ABCD3: variants seen among roughly 807,000 people sequenced by gnomAD.
ABCD3 encodes ATP binding cassette subfamily D member 3.
In ABCD3, 41 loss-of-function variants were observed where a neutral mutation model predicts 105.5. The ratio of observed to expected loss-of-function variants is 0.39; its 90% CI spans 0.30 to 0.50. The LOEUF (loss-of-function observed/expected upper bound fraction) is 0.50. Among genes scored for constraint, ABCD3 ranks in the 20% least tolerant of loss-of-function variants. The pLI is 0.84. For missense variants in ABCD3, 622 were observed against 806.3 expected (o/e 0.77, Z 2.77); for synonymous variants, 258 against 269.0 (o/e 0.96, Z 0.40).
intron 9 of ABCD3, chr1:94,482,102 T>C (rs1219312111): frequency 6.6e-6 from 1 of 152,158 alleles, no homozygotes; most frequent in Non-Finnish European, 1.5e-5. Flanking sequence ...TAGGCTTAGG[T>C]GTGGAGAGGA....
chr1:94,398,819 C>G, the ABCD3 span, among the ~76,000 whole-genome samples: 1 of 151,996 alleles, frequency 6.6e-6, no homozygotes, highest in Non-Finnish European at 1.5e-5. Context: ...GAGGCTGAGG[C>G]AGGAGAATCA....
intron 21 of ABCD3, chr1:94,514,809 A>T: frequency 3.6e-6 from 1 of 278,340 alleles, no homozygotes. Flanking sequence ...TACTGATTTA[A>T]TTTTTCCTGA....
chr1:94,395,617 A>G, the ABCD3 span, among the ~76,000 whole-genome samples: 1 of 152,202 alleles, frequency 6.6e-6, no homozygotes, highest in African/African-American at 2.4e-5. Context: ...GACTTGGTTA[A>G]TGCTATTGAT....
At chr1:94,436,419 A>G (rs1199334372) in intron 1 of ABCD3, among the ~76,000 whole-genome samples, 2 of 152,244 alleles carry the variant, frequency 1.3e-5, no homozygotes, top group Admixed American at 6.5e-5. Flanking sequence ...CTCTACTATT[A>G]ATATGATTAC....
Position 94,458,611 on chromosome 1 carries a change from A to G in ABCD3, c.115A>G (p.Lys39Glu), listed in dbSNP as rs1206916905. The change falls in exon 2 of 23, where the codon AAA becomes GAA. Residue 39 changes from lysine (K) to glutamate (E), a missense_variant. Coordinates refer to ENST00000370214, the MANE Select transcript of ABCD3 (RefSeq NM_002858.4). ...CTCTCTTTTTTTCCTCTGCAGTAAG[A>G]AAAGTGGAAAACCACCATTACAGAA... ...RRRALGLHGK[K>E]SGKPPLQNNE... 6.2e-7 allele frequency: 1 copy of G among 1,612,806 alleles called. No individual in the cohort carries two copies. The highest frequency in any genetic ancestry group is 1.7e-5 in the Admixed American group (1 of 60,006).
rs1386168160 is a variant in ABCD3, at chr1:94,475,762, A to G, written c.627+25A>G. ...GGTAAGTTTCTCTCCTTTTTAAAAG[A>G]TTATTTGTTTAATTTTTTGAATTTT... On this transcript the variant is annotated intron_variant, in intron 7 of 22. Transcript: ENST00000370214. 2.1e-5 allele frequency: 33 copies of G among 1,576,202 alleles called. No homozygotes were observed. The East Asian group carries it at 7.4e-4, about 36-fold the overall frequency.
chr1:94,418,862 G>A (rs115978267), intron 1 of ABCD3: 26,155 of 518,710 alleles, frequency 0.05, 885 homozygotes, highest in Non-Finnish European at 0.066. Flanking sequence ...CCAGCACTCA[G>A]GCAGCGGCCT....
At chr1:94,478,234 G>A (rs370437384) in intron 7 of ABCD3, 25 bp from the exon 8 acceptor site, 12 of 1,371,058 alleles carry the variant, frequency 8.8e-6, no homozygotes, top group Middle Eastern at 2.4e-4. Context: ...TTTTAATTCT[G>A]TGTATTCTAA....
chr1:94,517,489 A>G lies in ABCD3; in HGVS notation c.*360A>G, dbSNP rs1193906440. ...CTTTTATGGCTCTATCTTTTCCTTC[A>G]GTGAAGAACCCTATTTAAAACTGGG... On this transcript the variant is annotated 3_prime_UTR_variant, in exon 23 of 23. Coordinates refer to ENST00000370214, the MANE Select transcript of ABCD3 (RefSeq NM_002858.4). 7.6e-6 allele frequency: 2 copies of G among 264,284 alleles called. No homozygotes were observed. Among genetic ancestry groups the G allele is most frequent in the Admixed American group, 5.1e-5 (1 of 19,558 alleles). 16.4% of individuals were successfully genotyped at this position (264,284 alleles called of 1,614,324 possible).
At chr1:94,458,569 A>G (rs372590364) in intron 1 of ABCD3, 38 bp from the exon 2 acceptor site, 129 of 1,585,272 alleles carry the variant, frequency 8.1e-5, no homozygotes, top group Middle Eastern at 3.3e-4. Flanking sequence ...CACTTTTCAC[A>G]TAAAGTAAAG....
At chr1:94,402,676 G>A in the ABCD3 span, among the ~76,000 whole-genome samples, 17 of 152,146 alleles carry the variant, frequency 1.1e-4, no homozygotes, top group East Asian at 2.7e-3. Context: ...CTAAAACCCC[G>A]TTTAGGGTCA....
intron 16 of ABCD3, among the ~76,000 whole-genome samples, chr1:94,493,803 A>G (rs1345627631): frequency 6.6e-6 from 1 of 152,176 alleles, no homozygotes. Context: ...AGGGACATGG[A>G]TGAAATTGGA....
rs538057005 is a variant in ABCD3 at position 94,517,425 on chromosome 1, C to G, written c.*296C>G. On this transcript the variant is annotated 3_prime_UTR_variant, in exon 23 of 23. Coordinates refer to ENST00000370214, the MANE Select transcript of ABCD3 (RefSeq NM_002858.4). ...GGGCTTCAATCACTGTAACCTGATTCATCCTGGGATGTAAACCATTCGAAG... is the reference window on the plus strand; with the variant it reads ...GGGCTTCAATCACTGTAACCTGATTGATCCTGGGATGTAAACCATTCGAAG... 1.7e-5 allele frequency: 6 copies of G among 347,054 alleles called. No individual in the cohort carries two copies. Among genetic ancestry groups the G allele is most frequent in the South Asian group, 1.5e-4 (6 of 39,702 alleles). 21.5% of individuals were successfully genotyped at this position (347,054 alleles called of 1,614,324 possible).
At chr1:94,439,635 A>C (rs575730799) in intron 1 of ABCD3, among the ~76,000 whole-genome samples, 1 of 152,330 alleles carries the variant, frequency 6.6e-6, no homozygotes, top group South Asian at 2.1e-4. Flanking sequence ...TATCAAAAAT[A>C]AAAAATACTC....
intron 1 of ABCD3, among the ~76,000 whole-genome samples, chr1:94,444,802 A>C (rs1304161848): frequency 1.3e-5 from 2 of 151,818 alleles, no homozygotes; most frequent in Non-Finnish European, 2.9e-5. Context: ...TTTTTCCATT[A>C]TTTCATTTTT....
At chr1:94,406,615 A>T in the ABCD3 span, 2 of 196,476 alleles carry the variant, frequency 1.0e-5, no homozygotes, top group Non-Finnish European at 2.1e-5. Flanking sequence ...CAGTACACAC[A>T]CTGATTCTCT....
At chr1:94,460,331 T>G (rs1647805564) in intron 2 of ABCD3, among the ~76,000 whole-genome samples, 2 of 152,128 alleles carry the variant, frequency 1.3e-5, no homozygotes, top group African/African-American at 2.4e-5. Flanking sequence ...TTCACAGAAC[T>G]GCTGATAGTA....
chr1:94,416,317 T>C (rs1659005567), upstream of ABCD3, among the ~76,000 whole-genome samples: 1 of 152,254 alleles, frequency 6.6e-6, no homozygotes, highest in African/African-American at 2.4e-5. Context: ...TAAGCCTTTA[T>C]TGAAAGCATT....
chr1:94,418,477 C>T lies in ABCD3; in HGVS notation c.-2C>T, dbSNP rs543259390. 4.4e-6 allele frequency: 7 copies of T among 1,597,118 alleles called. No individual in the cohort carries two copies. The South Asian group carries it at 5.6e-5, about 13-fold the overall frequency. On this transcript the variant is annotated 5_prime_UTR_variant, in exon 1 of 23. Coordinates refer to ENST00000370214, the MANE Select transcript of ABCD3 (RefSeq NM_002858.4). ...CGCCGGCTCGCTGGTACCGGCAGTGCCATGGCGGCCTTCAGCAAGTACTTG... is the reference window on the plus strand; with the variant it reads ...CGCCGGCTCGCTGGTACCGGCAGTGTCATGGCGGCCTTCAGCAAGTACTTG...
Sources: gnomAD v4.1 joint callset for allele counts (sites outside exome capture counted in the v4.1 genomes callset) on GRCh38, gnomAD v4.1.1 for gene constraint, MANE v1.5 for transcripts, NCBI Gene and HGNC (gene_info 2026-07-23, HGNC 2026-07-21) for gene names.